GXYLT1: variants seen among roughly 807,000 people sequenced by gnomAD.
The protein encoded by GXYLT1 is glucoside xylosyltransferase 1.
In GXYLT1, 29 loss-of-function variants were observed where a neutral mutation model predicts 54.0. That is an observed-to-expected ratio of 0.54 (90% CI 0.40 to 0.73). The LOEUF (loss-of-function observed/expected upper bound fraction) is 0.73. Ranked by LOEUF, GXYLT1 falls within the 30% of genes least tolerant of loss-of-function variation. GXYLT1 has a pLI of 0.00. For synonymous variants in GXYLT1, 176 were observed against 204.1 expected, an observed-to-expected ratio of 0.86 and a Z score of 1.17; for missense variants, 490 against 553.4, an observed-to-expected ratio of 0.89 and a Z score of 1.15.
At chr12:42,144,256 G>C (rs559990899) in intron 1 of GXYLT1, among the ~76,000 whole-genome samples, 170 bp downstream of exon 1, 2 of 152,168 alleles carry the variant, frequency 1.3e-5, no homozygotes, top group Non-Finnish European at 2.9e-5. Context: ...GGCGGGAGCA[G>C]CGCAGGTTTA....
chr12:42,138,824 C>G (rs2065635799), intron 1 of GXYLT1, among the ~76,000 whole-genome samples: 1 of 151,922 alleles, frequency 6.6e-6, no homozygotes, highest in Non-Finnish European at 1.5e-5. Context: ...AGTTCAAGAC[C>G]AACCAGGCTG....
Position 42,119,135 on chromosome 12 carries a change from A to G in GXYLT1, c.351T>C (p.His117=). 6.2e-7 allele frequency: 1 copy of G among 1,614,074 alleles called. No individual in the cohort carries two copies. The highest frequency in any genetic ancestry group is 8.5e-7 in the Non-Finnish European group (1 of 1,179,872). Residue 117 remains histidine (H), a synonymous_variant, in exon 3 of 8, where the codon CAT becomes CAC. Transcript: ENST00000398675. ...SLKIQPVEKM[H]LAVVACGERL... ...TTTCACCACAGGCAACTACAGCTAG[A>G]TGCATTTTCTCAACAGGCTGTATTT...
chr12:42,110,246 T>C (rs572010046), intron 3 of GXYLT1, among the ~76,000 whole-genome samples: 50 of 152,360 alleles, frequency 3.3e-4, no homozygotes, highest in African/African-American at 1.2e-3. Context: ...TGAAAATCTA[T>C]GATGAACATG....
Position 42,097,620 on chromosome 12 carries a change from T to A in GXYLT1, c.989-6A>T. ...CGGAAAAACAAAAAGGCTTTCTACA[T>A]AAAGAAAAGACCAAACAATGAAGCA... On this transcript the variant is annotated splice_region_variant and splice_polypyrimidine_tract_variant and intron_variant, in intron 6 of 7. Coordinates refer to ENST00000398675, the MANE Select transcript of GXYLT1 (RefSeq NM_173601.2). 1 of 1,602,132 alleles carries A rather than the reference T, an allele frequency of 6.2e-7. No individual in the cohort carries two copies. Among genetic ancestry groups the A allele is most frequent in the Non-Finnish European group, 8.5e-7 (1 of 1,176,378 alleles).
rs892865091 is a variant in GXYLT1, at chr12:42,083,469, C to T, written c.*4317G>A. On this transcript the variant is annotated 3_prime_UTR_variant, in exon 8 of 8. Coordinates refer to ENST00000398675, the MANE Select transcript of GXYLT1 (RefSeq NM_173601.2). ...AATGGATAACTGGCCCCACACCTGA[C>T]ATATTGCACCCCTACTTTTCTTCTC... 1.3e-5 allele frequency: 2 copies of T among 152,216 alleles called. No individual in the cohort carries two copies. The allele number at this position is 152,216 out of a possible 1,614,324, so 9.4% of individuals were successfully genotyped here.
intron 2 of GXYLT1, among the ~76,000 whole-genome samples, chr12:42,125,158 G>C (rs1490855228): frequency 6.6e-6 from 1 of 152,146 alleles, no homozygotes; most frequent in African/African-American, 2.4e-5. Flanking sequence ...AACGGTTAAG[G>C]GAGAAGGAAG....
At chr12:42,137,503 C>CAA (rs34628599) in intron 1 of GXYLT1, among the ~76,000 whole-genome samples, 2,597 of 71,402 alleles carry the variant, frequency 0.036, 136 homozygotes, top group African/African-American at 0.096. Context: ...GCATCTGTTT[C>CAA]AAAAAAAAAA....
chr12:42,098,585 G>A (rs2065370863), intron 5 of GXYLT1, among the ~76,000 whole-genome samples: 2 of 151,344 alleles, frequency 1.3e-5, no homozygotes, highest in African/African-American at 2.4e-5. Context: ...AAAAATCAAG[G>A]CTGCAGAGGG....
chr12:42,094,416 T>C (rs761847247), intron 7 of GXYLT1, among the ~76,000 whole-genome samples: 1 of 148,946 alleles, frequency 6.7e-6, no homozygotes. Flanking sequence ...TCAGCCACTA[T>C]GGAGGCTGAC....
At chr12:42,131,043 C>T (rs2065591407) in intron 1 of GXYLT1, among the ~76,000 whole-genome samples, 2 of 152,198 alleles carry the variant, frequency 1.3e-5, no homozygotes, top group Admixed American at 6.5e-5. Flanking sequence ...TCATTATCTA[C>T]ATAATCTCAG....
At chr12:42,101,217 A>G (rs945205512) in intron 5 of GXYLT1, among the ~76,000 whole-genome samples, 1 of 152,162 alleles carries the variant, frequency 6.6e-6, no homozygotes, top group African/African-American at 2.4e-5. Flanking sequence ...TCAAGTCAAT[A>G]AGAAAGAGAA....
At chr12:42,131,365 G>C (rs2065592989) in intron 1 of GXYLT1, among the ~76,000 whole-genome samples, 2 of 152,130 alleles carry the variant, frequency 1.3e-5, no homozygotes, top group African/African-American at 4.8e-5. Flanking sequence ...GCAAAAATCT[G>C]ATCACATCTC....
chr12:42,084,983 CATAG>C lies in GXYLT1; in HGVS notation c.*2799_*2802del, dbSNP rs1415345033. ...TAAATCATGTAGTTTATATAAACTG[CATAG>C]ATACACTATGTTTTATGAAAGACCA... On this transcript the variant is annotated 3_prime_UTR_variant, in exon 8 of 8. Transcript: ENST00000398675. 1 of 152,096 alleles carries C rather than the reference CATAG, an allele frequency of 6.6e-6. No individual in the cohort carries two copies. The highest frequency in any genetic ancestry group is 6.5e-5 in the Admixed American group (1 of 15,270). 9.4% of individuals were successfully genotyped at this position (152,096 alleles called of 1,614,324 possible). A position where few individuals can be genotyped will look rare whatever the true frequency, so the allele number is the denominator to read the frequency against.
chr12:42,088,150 T>A (rs1038345422), intron 7 of GXYLT1, among the ~76,000 whole-genome samples: 1 of 151,562 alleles, frequency 6.6e-6, no homozygotes, highest in African/African-American at 2.4e-5. Context: ...CCATGGTAAA[T>A]CTCCGGGGGA....
chr12:42,114,535 A>C (rs1485180018), intron 3 of GXYLT1, among the ~76,000 whole-genome samples: 2 of 152,210 alleles, frequency 1.3e-5, no homozygotes, highest in Non-Finnish European at 2.9e-5. Flanking sequence ...TCTAGAAGAA[A>C]TGGATAAATT....
chr12:42,106,388 G>C (rs17090974), intron 4 of GXYLT1, among the ~76,000 whole-genome samples: 3,668 of 152,166 alleles, frequency 0.024, 146 homozygotes, highest in African/African-American at 0.084. Context: ...CATTAACTTA[G>C]GTAAATTTAT....
intron 3 of GXYLT1, among the ~76,000 whole-genome samples, chr12:42,114,979 T>C (rs925655160): frequency 2.0e-5 from 3 of 152,186 alleles, no homozygotes; most frequent in East Asian, 1.9e-4. Flanking sequence ...GTTCAACATA[T>C]GGAAATCAAT....
Position 42,109,703 on chromosome 12 carries a change from T to TAAA in GXYLT1, c.487-15_487-13dup. The TAAA allele has an allele frequency of 7.2e-7, 1 of 1,392,174 alleles. No individual in the cohort carries two copies. The highest frequency in any genetic ancestry group is 9.8e-7 in the Non-Finnish European group (1 of 1,016,312). The allele number at this position is 1,392,174 out of a possible 1,614,324, so 86.2% of individuals were successfully genotyped here. On this transcript the variant is annotated splice_polypyrimidine_tract_variant and intron_variant, in intron 3 of 7. Coordinates refer to ENST00000398675, the MANE Select transcript of GXYLT1 (RefSeq NM_173601.2). ...GACCAGTTGTCAAGCTAAAACAATT[T>TAAA]AAAAAAAAACTGTTTAGTTTCACTC...
intron 7 of GXYLT1, among the ~76,000 whole-genome samples, chr12:42,089,682 G>C (rs2065318573): frequency 6.6e-6 from 1 of 152,138 alleles, no homozygotes; most frequent in South Asian, 2.1e-4. Context: ...TTAACCACCA[G>C]ACAGCACTAC....
Sources: gnomAD v4.1 joint callset for allele counts (sites outside exome capture counted in the v4.1 genomes callset) on GRCh38, gnomAD v4.1.1 for gene constraint, MANE v1.5 for transcripts, NCBI Gene and HGNC (gene_info 2026-07-23, HGNC 2026-07-21) for gene names.